Variants in COL6A6 observed in about 807,000 individuals in gnomAD.
COL6A6 encodes collagen alpha-6(VI) chain.
Under a neutral mutation model 208.6 loss-of-function variants are expected in COL6A6, and 183 were observed. That is an observed-to-expected ratio of 0.88 (90% confidence interval 0.78 to 0.99). The LOEUF (loss-of-function observed/expected upper bound fraction) is 0.99, where lower values mean the gene tolerates loss of function less well. Among genes scored for constraint, COL6A6 ranks in the 50% least tolerant of loss-of-function variants. The pLI is 0.00. For synonymous variants in COL6A6, 973 were observed against 1,011.8 expected (o/e 0.96, Z 0.73); for missense variants, 2,816 against 2,815.2 (o/e 1.00, Z -0.01).
intron 33 of COL6A6, among the ~76,000 whole-genome samples, chr3:130,654,834 G>A (rs1322024712): frequency 6.6e-6 from 1 of 152,204 alleles, no homozygotes; most frequent in African/African-American, 2.4e-5. Context: ...TGGAGGCTAG[G>A]GCTTTTCAAG....
intron 1 of COL6A6, among the ~76,000 whole-genome samples, chr3:130,522,224 G>C (rs944993934): frequency 3.3e-5 from 5 of 152,138 alleles, no homozygotes; most frequent in African/African-American, 1.2e-4. Flanking sequence ...TGTTTCATTG[G>C]TGTCTTGGTG....
At position 130,527,890 on chromosome 3, in the gene COL6A6, CTTTTTT is replaced by C. The variant is rs56110472; in HGVS notation, c.-32+10513_-32+10518del. ...CAAGTTACTTCCAATGTTACTTTTCCTTTTTTTTTTTTTTTTTTTTTTTTTGGTTGT... is the reference window on the plus strand; with the variant it reads ...CAAGTTACTTCCAATGTTACTTTTCCTTTTTTTTTTTTTTTTTTTGGTTGT... On this transcript the variant is annotated intron_variant, in intron 1 of 36. Coordinates refer to ENST00000358511, the MANE Select transcript of COL6A6 (RefSeq NM_001102608.3). Among the ~76,000 whole-genome samples, 46 of 57,852 alleles carry C rather than the reference CTTTTTT, an allele frequency of 8.0e-4. 1 individual carries two copies. The highest frequency in any genetic ancestry group is 3.8e-3 in the South Asian group (6 of 1,590). The allele number at this position is 57,852 out of a possible 152,430, so 38.0% of individuals were successfully genotyped here.
At chr3:130,578,710 A>G (rs1335963093) in intron 8 of COL6A6, among the ~76,000 whole-genome samples, 3 of 152,154 alleles carry the variant, frequency 2.0e-5, no homozygotes, top group Non-Finnish European at 2.9e-5. Context: ...CCAGCCCCTT[A>G]TGGAAACTGC....
chr3:130,654,107 CCTA>C (rs2065721988), intron 33 of COL6A6, among the ~76,000 whole-genome samples: 1 of 152,248 alleles, frequency 6.6e-6, no homozygotes, highest in South Asian at 2.1e-4. Flanking sequence ...AAGTTAGAGA[CCTA>C]CTGATAAAAA....
chr3:130,673,757 A>C (rs2066292093), intron 36 of COL6A6, among the ~76,000 whole-genome samples: 1 of 152,158 alleles, frequency 6.6e-6, no homozygotes, highest in African/African-American at 2.4e-5. Flanking sequence ...CAGGAGTTCA[A>C]GACCAGCTTG....
At chr3:130,658,609 A>G (rs936472377) in intron 33 of COL6A6, 67 bp from the exon 34 acceptor site, 9 of 991,648 alleles carry the variant, frequency 9.1e-6, no homozygotes, top group East Asian at 2.6e-5. Context: ...TCAGTTCTCT[A>G]TGTAGTCCTA....
intron 27 of COL6A6, among the ~76,000 whole-genome samples, chr3:130,634,940 A>G (rs1015324603): frequency 3.3e-5 from 5 of 152,204 alleles, no homozygotes. Flanking sequence ...ACTGAAAGAA[A>G]AGTATAATGT....
intron 20 of COL6A6, among the ~76,000 whole-genome samples, chr3:130,605,543 A>T (rs1328712771): frequency 6.6e-6 from 1 of 152,176 alleles, no homozygotes; most frequent in Non-Finnish European, 1.5e-5. Flanking sequence ...AGACAAACCC[A>T]TGTGCTGAAG....
chr3:130,596,878 T>C (rs565778292), intron 18 of COL6A6, among the ~76,000 whole-genome samples: 70 of 152,342 alleles, frequency 4.6e-4, no homozygotes, highest in Admixed American at 9.1e-4. Flanking sequence ...ATAGAGGCTA[T>C]AGTAAGGTTC....
chr3:130,601,694 G>A (rs2064024997), intron 20 of COL6A6, among the ~76,000 whole-genome samples: 1 of 152,190 alleles, frequency 6.6e-6, no homozygotes, highest in Non-Finnish European at 1.5e-5. Flanking sequence ...ATGTCATTCA[G>A]GAGTAAAAGT....
intron 1 of COL6A6, among the ~76,000 whole-genome samples, chr3:130,519,146 A>G (rs1264263486): frequency 6.6e-6 from 1 of 152,198 alleles, no homozygotes; most frequent in East Asian, 1.9e-4. Flanking sequence ...ATTTATTTGT[A>G]TAGACAGTAT....
intron 23 of COL6A6, among the ~76,000 whole-genome samples, chr3:130,611,185 T>C (rs1165961178): frequency 1.3e-5 from 2 of 152,170 alleles, no homozygotes; most frequent in African/African-American, 4.8e-5. Context: ...GATCTTAATA[T>C]AGACCTAGGG....
chr3:130,672,091 A>G (rs2066232322), intron 36 of COL6A6, among the ~76,000 whole-genome samples: 1 of 152,270 alleles, frequency 6.6e-6, no homozygotes, highest in Non-Finnish European at 1.5e-5. Context: ...AAATAGAAGC[A>G]ATCTTGTCTG....
At chr3:130,600,499 ATGT>A (rs1215683183) in intron 20 of COL6A6, among the ~76,000 whole-genome samples, 3 of 152,218 alleles carry the variant, frequency 2.0e-5, no homozygotes, top group East Asian at 3.8e-4. Context: ...AATAAAGAAA[ATGT>A]TGTACATATA....
At chr3:130,659,788 C>T (rs1270782348) in intron 34 of COL6A6, among the ~76,000 whole-genome samples, 1 of 152,188 alleles carries the variant, frequency 6.6e-6, no homozygotes, top group Non-Finnish European at 1.5e-5. Context: ...TCACATGTAT[C>T]AGTGAGATGC....
chr3:130,566,568 A>T (rs2063027380), intron 4 of COL6A6, 134 bp from the exon 5 acceptor site: 1 of 674,494 alleles, frequency 1.5e-6, no homozygotes, highest in Admixed American at 3.0e-5. Context: ...CTAACAAAGC[A>T]TGTATTTTAA....
At chr3:130,561,677 G>A (rs558413876) in intron 2 of COL6A6, among the ~76,000 whole-genome samples, 1,376 of 117,504 alleles carry the variant, frequency 0.012, 27 homozygotes, top group African/African-American at 0.044. Flanking sequence ...ACGGAGTCTC[G>A]CTCTGTCGCC....
chr3:130,640,059 A>G (rs2065267153), intron 28 of COL6A6, among the ~76,000 whole-genome samples: 1 of 152,182 alleles, frequency 6.6e-6, no homozygotes, highest in Non-Finnish European at 1.5e-5. Context: ...AGGGTGGGAA[A>G]AGGGACATTC....
intron 1 of COL6A6, among the ~76,000 whole-genome samples, chr3:130,541,396 A>G (rs575718597): frequency 1.3e-5 from 2 of 152,328 alleles, no homozygotes; most frequent in Admixed American, 1.3e-4. Context: ...TACCTGCTGG[A>G]CATCTTGGTT....
Sources: allele counts gnomAD v4.1 joint callset (sites outside exome capture counted in the v4.1 genomes callset), GRCh38; gene constraint gnomAD v4.1.1; transcripts MANE v1.5; gene names NCBI Gene and HGNC (gene_info 2026-07-23, HGNC 2026-07-21).